IRGM: variants seen among roughly 807,000 people sequenced by gnomAD.
The protein encoded by IRGM is immunity related GTPase M.
For synonymous variants in IRGM, 98 were observed against 80.6 expected, an observed-to-expected ratio of 1.22 and a Z score of -1.16; for missense variants, 288 against 219.9, an observed-to-expected ratio of 1.31 and a Z score of -1.96.
chr5:150,859,718 G>A (rs1754109157), intron 1 of IRGM, among the ~76,000 whole-genome samples: 1 of 152,198 alleles, frequency 6.6e-6, no homozygotes, highest in African/African-American at 2.4e-5. Flanking sequence ...TTTGCATAGA[G>A]GTGTTTATAG....
At chr5:150,897,853 G>C in intron 3 of IRGM, 1 of 496,102 alleles carries the variant, frequency 2.0e-6, no homozygotes, top group Non-Finnish European at 3.3e-6. Flanking sequence ...AACCCTTTCA[G>C]GAAAGACAAC....
chr5:150,898,255 T>C (rs939122048), intron 3 of IRGM: 13 of 1,601,182 alleles, frequency 8.1e-6, no homozygotes, highest in Admixed American at 1.7e-5. Context: ...CAGTTTCAGA[T>C]GGTCTACAAT....
At chr5:150,889,751 G>C (rs1413330960) in intron 3 of IRGM, among the ~76,000 whole-genome samples, 1 of 151,914 alleles carries the variant, frequency 6.6e-6, no homozygotes, top group East Asian at 1.9e-4. Flanking sequence ...TTCCTTTTTA[G>C]ATGATTTTTG....
chr5:150,872,323 A>G (rs1438235760), intron 1 of IRGM, among the ~76,000 whole-genome samples: 1 of 152,146 alleles, frequency 6.6e-6, no homozygotes, highest in Admixed American at 6.6e-5. Flanking sequence ...CCACGCTGCC[A>G]TCAGCTTTTC....
intron 3 of IRGM, among the ~76,000 whole-genome samples, chr5:150,881,819 G>A (rs946185203): frequency 6.6e-6 from 1 of 152,070 alleles, no homozygotes; most frequent in Non-Finnish European, 1.5e-5. Context: ...CATAATCGGT[G>A]TAAGATATTT....
intron 3 of IRGM, among the ~76,000 whole-genome samples, chr5:150,899,672 GACATA>G (rs1211199782): frequency 2.0e-5 from 3 of 151,952 alleles, no homozygotes; most frequent in South Asian, 2.1e-4. Flanking sequence ...ACAAATTAGT[GACATA>G]ACATCAAAAA....
intron 1 of IRGM, among the ~76,000 whole-genome samples, chr5:150,869,543 C>A (rs1317467185): frequency 6.6e-6 from 1 of 152,088 alleles, no homozygotes; most frequent in African/African-American, 2.4e-5. Flanking sequence ...GGAATAGTTT[C>A]AATAGGACTG....
At chr5:150,878,383 A>G (rs905493007) in intron 2 of IRGM, among the ~76,000 whole-genome samples, 1 of 152,024 alleles carries the variant, frequency 6.6e-6, no homozygotes, top group Non-Finnish European at 1.5e-5. Context: ...CATTGCTATG[A>G]ATTTTTACCA....
chr5:150,896,443 C>G, intron 3 of IRGM: 2 of 1,613,618 alleles, frequency 1.2e-6, no homozygotes, highest in South Asian at 2.2e-5. Flanking sequence ...CAGCTTTTCT[C>G]TTTAGTTTCC....
At chr5:150,853,250 T>C (rs1230517003), downstream of IRGM, among the ~76,000 whole-genome samples, 3 of 152,190 alleles carry the variant, frequency 2.0e-5, no homozygotes, top group Non-Finnish European at 4.4e-5. Context: ...CCAGTTTTTC[T>C]TCTGATATTT....
At position 150,896,561 on chromosome 5, in the gene IRGM, C is replaced by A. The variant is rs1198257528; in HGVS notation, c.*141-4028C>A. On this transcript the variant is annotated intron_variant and NMD_transcript_variant, in intron 3 of 3. Coordinates refer to the IRGM transcript ENST00000520549. ...GAATCTTCTCAAGATTAGAATTGGG[C>A]TCACTCTGGCTAGATGATTTTCCAC... is the stretch of plus-strand genomic sequence containing the variant. The A allele has an allele frequency of 3.7e-6, 6 of 1,613,586 alleles. No individual in the cohort carries two copies. In the African/African-American group the frequency reaches 6.7e-5, roughly 18 times the overall value.
At chr5:150,870,966 G>C (rs1754274657) in intron 1 of IRGM, among the ~76,000 whole-genome samples, 1 of 151,634 alleles carries the variant, frequency 6.6e-6, no homozygotes, top group Non-Finnish European at 1.5e-5. Flanking sequence ...CTCTGAAATG[G>C]CTAAATTCCC....
At chr5:150,849,172 A>G (rs918148160), downstream of IRGM, among the ~76,000 whole-genome samples, 1 of 151,894 alleles carries the variant, frequency 6.6e-6, no homozygotes, top group African/African-American at 2.4e-5. Flanking sequence ...TGGGCTTAAA[A>G]ACACACAACT....
At chr5:150,896,115 T>C (rs2113311444) in intron 3 of IRGM, 1 of 1,613,458 alleles carries the variant, frequency 6.2e-7, no homozygotes, top group Non-Finnish European at 8.5e-7. Context: ...TTCCCCAGTA[T>C]GTATTCTCTG....
rs778533726 is a variant in IRGM at position 150,895,717 on chromosome 5, G to C, written c.*141-4872G>C. Reference sequence around the variant, plus strand: ...GTGTGAATTCTCTGATGTCCAATGAGATGTGACTTCTGGCAGAAGGCTTTG... The same window carrying C: ...GTGTGAATTCTCTGATGTCCAATGACATGTGACTTCTGGCAGAAGGCTTTG... On this transcript the variant is annotated intron_variant and NMD_transcript_variant, in intron 3 of 3. Coordinates refer to the IRGM transcript ENST00000520549. 3.7e-6 allele frequency: 6 copies of C among 1,613,626 alleles called. No homozygotes were observed. The Admixed American group carries it at 1.0e-4, about 27-fold the overall frequency.
Position 150,857,149 on chromosome 5 carries a change from T to A in IRGM, c.158+8495T>A, listed in dbSNP as rs542110555. Among the ~76,000 whole-genome samples the A allele has an allele frequency of 7.9e-5, 12 of 152,136 alleles. No individual in the cohort carries two copies. The South Asian group carries it at 2.3e-3, about 29-fold the overall frequency. ...TCCTGTGTCCATGTGTTCTCATTGT[T>A]CATTTCCCACCTATGAGTGAGAACA... On this transcript the variant is annotated intron_variant and NMD_transcript_variant, in intron 1 of 3. Coordinates refer to the IRGM transcript ENST00000520549.
At chr5:150,896,161 T>C (rs912873167) in intron 3 of IRGM, 1 of 1,613,474 alleles carries the variant, frequency 6.2e-7, no homozygotes, top group Non-Finnish European at 8.5e-7. Flanking sequence ...GAGAAGGCTT[T>C]CCCGCATTCA....
At chr5:150,853,256 T>C (rs1581639950), downstream of IRGM, among the ~76,000 whole-genome samples, 2 of 152,308 alleles carry the variant, frequency 1.3e-5, no homozygotes, top group East Asian at 3.8e-4. Context: ...TTTCTTCTGA[T>C]ATTTTCAGTT....
intron 1 of IRGM, among the ~76,000 whole-genome samples, chr5:150,873,152 A>C (rs1754309954): frequency 6.6e-6 from 1 of 152,250 alleles, no homozygotes; most frequent in South Asian, 2.1e-4. Flanking sequence ...AGTCTGACTC[A>C]TGTAGAGCTC....
Sources: gnomAD v4.1 joint callset for allele counts (sites outside exome capture counted in the v4.1 genomes callset) on GRCh38, gnomAD v4.1.1 for gene constraint, MANE v1.5 for transcripts, NCBI Gene and HGNC (gene_info 2026-07-23, HGNC 2026-07-21) for gene names.